The following CDC42BPA variants were observed in gnomAD, a reference collection of about 807,000 sequenced individuals.
CDC42BPA encodes the protein CDC42 binding protein kinase alpha, also known as serine/threonine-protein kinase MRCK alpha.
In CDC42BPA, 80 loss-of-function variants were observed where a neutral mutation model predicts 223.5. The ratio of observed to expected loss-of-function variants is 0.36; its 90% CI spans 0.30 to 0.43. The LOEUF (loss-of-function observed/expected upper bound fraction) is 0.43. Among genes scored for constraint, CDC42BPA ranks in the 20% least tolerant of loss-of-function variants. The pLI, the probability that CDC42BPA is intolerant of heterozygous loss-of-function variation, is 1.00. For synonymous variants in CDC42BPA, 694 were observed against 718.6 expected (o/e 0.97, Z 0.55); for missense variants, 1,743 against 2,099.9 (o/e 0.83, Z 3.32).
At chr1:227,237,180 A>G (rs1427005173) in intron 2 of CDC42BPA, among the ~76,000 whole-genome samples, 1 of 152,072 alleles carries the variant, frequency 6.6e-6, no homozygotes, top group Admixed American at 6.6e-5. Flanking sequence ...TTATCTGGGG[A>G]AGTTTAAGTT....
At chr1:227,228,957 C>G (rs1677335324) in intron 2 of CDC42BPA, among the ~76,000 whole-genome samples, 1 of 152,070 alleles carries the variant, frequency 6.6e-6, no homozygotes, top group Non-Finnish European at 1.5e-5. Flanking sequence ...ATATTTTCTC[C>G]CACCCTGTGA....
chr1:227,176,815 T>C (rs2149992837), intron 5 of CDC42BPA, among the ~76,000 whole-genome samples: 2 of 152,276 alleles, frequency 1.3e-5, no homozygotes, highest in South Asian at 4.1e-4. Flanking sequence ...TTGTATTTGA[T>C]AACATTTGTA....
At chr1:227,069,989 A>G (rs534472227) in intron 20 of CDC42BPA, 136 bp from the exon 21 acceptor site, 1 of 514,308 alleles carries the variant, frequency 1.9e-6, no homozygotes, top group Non-Finnish European at 3.5e-6. Flanking sequence ...AATTAACTCT[A>G]CATTTAAACA....
At chr1:227,207,311 ATTTTT>A (rs34111305) in intron 3 of CDC42BPA, among the ~76,000 whole-genome samples, 68 of 141,728 alleles carry the variant, frequency 4.8e-4, no homozygotes, top group African/African-American at 1.8e-3. Context: ...TATGTCACAC[ATTTTT>A]TTTTTCTTTT....
intron 19 of CDC42BPA, 73 bp downstream of exon 19, chr1:227,073,791 C>T: frequency 8.2e-7 from 1 of 1,218,306 alleles, no homozygotes; most frequent in East Asian, 2.6e-5. Context: ...GGAAACTAAA[C>T]ATGTAACTTC....
At chr1:227,284,860 G>A (rs1367082428) in intron 1 of CDC42BPA, among the ~76,000 whole-genome samples, 3 of 151,894 alleles carry the variant, frequency 2.0e-5, no homozygotes, top group Non-Finnish European at 4.4e-5. Context: ...TACTCAGGAG[G>A]CTGAGGTGGG....
At chr1:227,193,600 G>T in intron 5 of CDC42BPA, 186 bp downstream of exon 5, 1 of 542,998 alleles carries the variant, frequency 1.8e-6, no homozygotes, top group Admixed American at 3.5e-5. Flanking sequence ...AGGCACATCG[G>T]TTCTGTAATG....
At chr1:227,034,526 AT>A (rs1669889632) in intron 26 of CDC42BPA, 128 bp downstream of exon 26, 2 of 827,228 alleles carry the variant, frequency 2.4e-6, no homozygotes, top group Admixed American at 5.8e-5. Context: ...TTCTATAGCA[AT>A]ATTAGCAAAT....
intron 10 of CDC42BPA, among the ~76,000 whole-genome samples, chr1:227,135,632 A>G (rs557965114): frequency 6.6e-6 from 1 of 152,194 alleles, no homozygotes; most frequent in South Asian, 2.1e-4. Flanking sequence ...AGACGGGCGG[A>G]TCACGAGGTC....
intron 2 of CDC42BPA, among the ~76,000 whole-genome samples, chr1:227,237,090 A>G (rs1277817744): frequency 2.7e-5 from 4 of 148,178 alleles, no homozygotes; most frequent in Non-Finnish European, 4.4e-5. Flanking sequence ...ATTCTTTCCT[A>G]TGTTGCTTCA....
At chr1:227,254,215 AAAT>A (rs1682649452) in intron 1 of CDC42BPA, 60 bp from the exon 2 acceptor site, 1 of 851,470 alleles carries the variant, frequency 1.2e-6, no homozygotes, top group Non-Finnish European at 1.9e-6. Flanking sequence ...AATTAGATAT[AAAT>A]AATGGTGTTT....
chr1:227,257,817 T>G (rs188480614), intron 1 of CDC42BPA, among the ~76,000 whole-genome samples: 2,193 of 150,682 alleles, frequency 0.015, 31 homozygotes, highest in Middle Eastern at 0.034. Flanking sequence ...GGGTGAAACC[T>G]TTTTTAAAAA....
intron 17 of CDC42BPA, among the ~76,000 whole-genome samples, chr1:227,075,341 TAACTC>T (rs777095184): frequency 5.9e-5 from 9 of 152,202 alleles, no homozygotes; most frequent in Non-Finnish European, 1.0e-4. Flanking sequence ...CAGACATGTT[TAACTC>T]CTGAGCTCTG....
chr1:227,035,670 C>T, intron 24 of CDC42BPA, 63 bp from the exon 25 acceptor site: 3 of 1,193,864 alleles, frequency 2.5e-6, no homozygotes, highest in Non-Finnish European at 3.5e-6. Context: ...AAATTCGTAA[C>T]ACTCACTGCA....
intron 21 of CDC42BPA, among the ~76,000 whole-genome samples, chr1:227,058,357 AC>A (rs1429328809): frequency 6.6e-6 from 1 of 152,154 alleles, no homozygotes; most frequent in African/African-American, 2.4e-5. Flanking sequence ...GCAGCAGGCC[AC>A]CCCTACTGCT....
chr1:227,301,361 C>CT (rs1558992254), intron 1 of CDC42BPA, among the ~76,000 whole-genome samples: 10 of 144,930 alleles, frequency 6.9e-5, no homozygotes, highest in Middle Eastern at 3.7e-3. Context: ...AGGATGTAGA[C>CT]ATTTTTTTTT....
chr1:227,198,119 A>G (rs1671051473), intron 4 of CDC42BPA, among the ~76,000 whole-genome samples: 1 of 151,938 alleles, frequency 6.6e-6, no homozygotes. Flanking sequence ...CTTACTTGTC[A>G]TGAACTCTGT....
At chr1:227,157,946 T>C (rs1663114497) in intron 6 of CDC42BPA, among the ~76,000 whole-genome samples, 1 of 138,994 alleles carries the variant, frequency 7.2e-6, no homozygotes, top group Non-Finnish European at 1.5e-5. Context: ...TTCTTAAATA[T>C]TTTTATAACT....
chr1:227,041,560 TAAATCTTGTTCTTTTCA>T (rs1671379674), intron 23 of CDC42BPA, among the ~76,000 whole-genome samples: 1 of 152,168 alleles, frequency 6.6e-6, no homozygotes, highest in Admixed American at 6.5e-5. Context: ...AAGTTAAAAA[TAAATCTTGTTCTTTTCA>T]ACTGGGATAT....
Sources: allele counts gnomAD v4.1 joint callset (sites outside exome capture counted in the v4.1 genomes callset), GRCh38; gene constraint gnomAD v4.1.1; transcripts MANE v1.5; gene names NCBI Gene and HGNC (gene_info 2026-07-23, HGNC 2026-07-21).